The following ATP2B2 variants were observed in gnomAD, a reference collection of about 807,000 sequenced individuals.
The protein encoded by ATP2B2 is ATPase plasma membrane Ca2+ transporting 2, also known as plasma membrane calcium-transporting ATPase 2.
ATP2B2 carries 15 observed loss-of-function variants against 120.0 expected under a neutral mutation model. The observed-to-expected ratio is 0.12, with a 90% CI of 0.08 to 0.19. The LOEUF (loss-of-function observed/expected upper bound fraction) is 0.19. ATP2B2 is among the 10% of genes least tolerant of loss of function. The pLI is 1.00. For synonymous variants in ATP2B2, 694 were observed against 700.3 expected, an observed-to-expected ratio of 0.99 and a Z score of 0.14; for missense variants, 1,045 against 1,719.8, an observed-to-expected ratio of 0.61 and a Z score of 6.94.
chr3:10,520,283 G>T (rs940658045), intron 3 of ATP2B2, among the ~76,000 whole-genome samples: 5 of 152,170 alleles, frequency 3.3e-5, no homozygotes, highest in African/African-American at 1.2e-4. Context: ...CCCAGGTGTT[G>T]GAGCCAGTGC....
intron 2 of ATP2B2, among the ~76,000 whole-genome samples, chr3:10,594,072 T>C (rs2125581780): frequency 6.6e-6 from 1 of 152,308 alleles, no homozygotes; most frequent in East Asian, 1.9e-4. Context: ...AAACAACAGA[T>C]GCTGGAGAGG....
chr3:10,591,419 T>C (rs901207197), intron 2 of ATP2B2, among the ~76,000 whole-genome samples: 2 of 152,162 alleles, frequency 1.3e-5, no homozygotes, highest in Admixed American at 6.5e-5. Context: ...CTGACCCCCA[T>C]GGCCTCTGAG....
intron 1 of ATP2B2, among the ~76,000 whole-genome samples, chr3:10,690,512 T>C (rs1323365375): frequency 1.3e-5 from 2 of 152,154 alleles, no homozygotes; most frequent in South Asian, 2.1e-4. Flanking sequence ...AAAGTTACTA[T>C]TCTCTCCATT....
At chr3:10,488,345 CCATT>C (rs1559402561) in intron 1 of ATP2B2, among the ~76,000 whole-genome samples, 3 of 145,698 alleles carry the variant, frequency 2.1e-5, no homozygotes, top group Non-Finnish European at 4.6e-5. Context: ...ATCCATCCAT[CCATT>C]CACTCACCCA....
intron 2 of ATP2B2, among the ~76,000 whole-genome samples, chr3:10,561,236 C>A (rs546978678): frequency 6.6e-6 from 1 of 152,214 alleles, no homozygotes; most frequent in African/African-American, 2.4e-5. Context: ...CCTAACACTG[C>A]ACCTGGTATA....
intron 1 of ATP2B2, among the ~76,000 whole-genome samples, chr3:10,662,714 C>A (rs1165717176): frequency 6.6e-6 from 1 of 151,858 alleles, no homozygotes; most frequent in Non-Finnish European, 1.5e-5. Context: ...ACCAGAAATA[C>A]CATTTGACCC....
At chr3:10,391,137 T>C (rs934132037) in intron 5 of ATP2B2, among the ~76,000 whole-genome samples, 2 of 152,176 alleles carry the variant, frequency 1.3e-5, no homozygotes, top group African/African-American at 4.8e-5. Context: ...ACACCTACTG[T>C]GTGCAGGGCA....
At chr3:10,453,457 A>G (rs183911133) in intron 1 of ATP2B2, among the ~76,000 whole-genome samples, 18 of 152,354 alleles carry the variant, frequency 1.2e-4, no homozygotes, top group Admixed American at 9.8e-4. Flanking sequence ...CAAGATCACA[A>G]GATTAGTGAG....
At position 10,329,401 on chromosome 3, in the gene ATP2B2, G is replaced by A. The variant is rs889086926; in HGVS notation, c.3421-276C>T. 6.6e-6 allele frequency among the ~76,000 whole-genome samples: 1 copy of A among 152,094 alleles called. No individual in the cohort carries two copies. The highest frequency in any genetic ancestry group is 1.5e-5 in the Non-Finnish European group (1 of 68,022). On this transcript the variant is annotated intron_variant, in intron 22 of 22. Coordinates refer to ENST00000360273, the MANE Select transcript of ATP2B2 (RefSeq NM_001001331.4). The surrounding 1 kb of genome is among the most constrained non-coding windows in gnomAD (Gnocchi z 5.9). ...ACCAAGCACCATCAAAGAGATGATG[G>A]GGAACAGTGGTTAAAGGAAGCACAG...
At chr3:10,453,215 C>G (rs375616443) in intron 1 of ATP2B2, among the ~76,000 whole-genome samples, 1 of 152,194 alleles carries the variant, frequency 6.6e-6, no homozygotes, top group Non-Finnish European at 1.5e-5. Context: ...AGGAAATTAA[C>G]TTTGATTTCA....
intron 1 of ATP2B2, among the ~76,000 whole-genome samples, chr3:10,692,380 A>G (rs1330242744): frequency 2.0e-5 from 3 of 152,198 alleles, no homozygotes; most frequent in Non-Finnish European, 4.4e-5. Flanking sequence ...CAGACAAGTC[A>G]TCTGGCCTCG....
chr3:10,582,442 C>A (rs1411211732), intron 2 of ATP2B2, among the ~76,000 whole-genome samples: 4 of 152,198 alleles, frequency 2.6e-5, no homozygotes, highest in Non-Finnish European at 5.9e-5. Flanking sequence ...GGGATGGACT[C>A]TCGGACTGAC....
chr3:10,339,029 A>G (rs938886724), intron 21 of ATP2B2: 1 of 153,064 alleles, frequency 6.5e-6, no homozygotes, highest in African/African-American at 2.4e-5. Flanking sequence ...GCGGTGGCAG[A>G]TATCAGAGGC....
chr3:10,531,101 C>T (rs1300993454), intron 3 of ATP2B2, among the ~76,000 whole-genome samples: 2 of 152,200 alleles, frequency 1.3e-5, no homozygotes, highest in Non-Finnish European at 2.9e-5. Context: ...GTGGTTGGAA[C>T]ATCTTGGCAG....
At chr3:10,527,445 T>G (rs2067119904) in intron 3 of ATP2B2, among the ~76,000 whole-genome samples, 1 of 152,188 alleles carries the variant, frequency 6.6e-6, no homozygotes. Flanking sequence ...GCCCACGCTC[T>G]TGTACTCTTT....
chr3:10,525,503 A>G (rs1463612559), intron 3 of ATP2B2, among the ~76,000 whole-genome samples: 1 of 152,190 alleles, frequency 6.6e-6, no homozygotes, highest in Non-Finnish European at 1.5e-5. Context: ...TCAATGAATC[A>G]ATATTGATAT....
chr3:10,560,951 C>A (rs949676395), intron 2 of ATP2B2, among the ~76,000 whole-genome samples: 2 of 152,156 alleles, frequency 1.3e-5, no homozygotes, highest in Non-Finnish European at 1.5e-5. Context: ...GTATGTACTA[C>A]TCCTTCTGCC....
In ATP2B2 at chr3:10,577,003, A is replaced by G. The variant is rs1479104458; in HGVS notation, c.-414-42870T>C. Among the ~76,000 whole-genome samples the G allele has an allele frequency of 9.3e-5, 14 of 150,914 alleles. No homozygotes were observed. In the East Asian group the frequency reaches 1.8e-3, roughly 19 times the overall value. On this transcript the variant is annotated intron_variant, in intron 2 of 21. Coordinates refer to the ATP2B2 transcript ENST00000646379. ...TGGGAGGCGGAGGTTGCAGTGAGCC[A>G]AGATCACCACTGCACTCCAGCCTGG...
chr3:10,588,871 C>T (rs1402685340), intron 2 of ATP2B2, among the ~76,000 whole-genome samples: 9 of 152,196 alleles, frequency 5.9e-5, no homozygotes. Context: ...GAAATAGCCT[C>T]CCTTTTATAT....
Sources: gnomAD v4.1 joint callset for allele counts (sites outside exome capture counted in the v4.1 genomes callset) on GRCh38, gnomAD v4.1.1 for gene constraint, Gnocchi (gnomAD v3.1) non-coding constraint, MANE v1.5 for transcripts, NCBI Gene and HGNC (gene_info 2026-07-23, HGNC 2026-07-21) for gene names.